The following LCA5 variants were observed in gnomAD, a reference collection of about 807,000 sequenced individuals.
LCA5 encodes the protein lebercilin.
Under a neutral mutation model 53.0 loss-of-function variants are expected in LCA5, and 37 were observed. That is an observed-to-expected ratio of 0.70 (90% CI 0.54 to 0.92). The LOEUF is 0.92. LCA5 is among the 40% of genes least tolerant of loss of function. The pLI is 0.00. For missense variants in LCA5, 806 were observed against 790.5 expected, an observed-to-expected ratio of 1.02 and a Z score of -0.23; for synonymous variants, 303 against 282.9, an observed-to-expected ratio of 1.07 and a Z score of -0.71.
Position 79,513,426 on chromosome 6 carries a change from G to A in LCA5, c.506C>T (p.Thr169Ile). Residue 169 changes from threonine (T) to isoleucine (I), a missense_variant, in exon 3 of 8, where the codon ACA (threonine) becomes ATA (isoleucine). By Grantham distance (89) the Thr-to-Ile change is moderately conservative. Coordinates refer to ENST00000369846, the MANE Select transcript of LCA5 (RefSeq NM_001122769.3). ...TTTTCTTAAGCGTTCTTTGAGTGCTGTAATCTCATTGTTATGACGAAATAT... is the reference window on the plus strand; with the variant it reads ...TTTTCTTAAGCGTTCTTTGAGTGCTATAATCTCATTGTTATGACGAAATAT... ...QLIFRHNNEI[T>I]ALKERLRKSQ... 1 of 1,613,778 alleles carries A rather than the reference G, an allele frequency of 6.2e-7. No homozygotes were observed. Among genetic ancestry groups the A allele is most frequent in the African/African-American group, 1.3e-5 (1 of 74,998 alleles).
chr6:79,511,444 G>A (rs1242133627), intron 3 of LCA5, among the ~76,000 whole-genome samples: 1 of 152,114 alleles, frequency 6.6e-6, no homozygotes, highest in Non-Finnish European at 1.5e-5. Flanking sequence ...GAGCAAATTA[G>A]CTGATGTCAT....
chr6:79,512,534 T>A (rs1385174345), intron 3 of LCA5, among the ~76,000 whole-genome samples: 1 of 152,172 alleles, frequency 6.6e-6, no homozygotes, highest in Admixed American at 6.5e-5. Context: ...ACAGCAAGCA[T>A]TATTGCCATA....
At chr6:79,491,843 T>C (rs781462996) in intron 5 of LCA5, 113 bp from the exon 6 acceptor site, 9 of 828,054 alleles carry the variant, frequency 1.1e-5, no homozygotes, top group Non-Finnish European at 1.8e-5. Context: ...TACATGTACA[T>C]TTATATGCAC....
chr6:79,491,458 A>G (rs1769838923), intron 6 of LCA5, 130 bp downstream of exon 6: 2 of 959,264 alleles, frequency 2.1e-6, no homozygotes, highest in Middle Eastern at 3.0e-4. Flanking sequence ...CTTTCCCTTC[A>G]AAAAGGCTAG....
At position 79,487,775 on chromosome 6, in the gene LCA5, G is replaced by A. The variant is rs112618816; in HGVS notation, c.1323C>T (p.Tyr441=). 119 of 1,612,710 alleles carry A rather than the reference G, an allele frequency of 7.4e-5. 1 individual carries two copies. In the African/African-American group the frequency reaches 1.3e-3, roughly 18 times the overall value. ...TCTGAATTGGATACATTCCTAGTTG[G>A]TACCTTCCAGTTTCCCACTCTGGCT... ...EEKPEWETGR[Y]QLGMYPIQNM... is the part of the protein sequence containing the mutation. Residue 441 remains tyrosine (Y), a synonymous_variant, in exon 8 of 8, where the codon TAC becomes TAT. Coordinates refer to ENST00000369846, the MANE Select transcript of LCA5 (RefSeq NM_001122769.3).
intron 7 of LCA5, 92 bp downstream of exon 7, chr6:79,488,990 TCA>T (rs750280948): frequency 3.5e-5 from 50 of 1,420,398 alleles, no homozygotes; most frequent in Non-Finnish European, 4.7e-5. Flanking sequence ...CCTAAGCAAT[TCA>T]CAGTTAAGCT....
chr6:79,529,500 G>A (rs368791133), intron 1 of LCA5, among the ~76,000 whole-genome samples: 3 of 152,072 alleles, frequency 2.0e-5, no homozygotes, highest in Non-Finnish European at 2.9e-5. Flanking sequence ...TTGGGAAATC[G>A]AAATTTAAGA....
Position 79,491,587 on chromosome 6 carries a change from C to A in LCA5, c.1098+1G>T. On this transcript the variant is annotated splice_donor_variant, in intron 6 of 7. Transcript: ENST00000369846. LOFTEE classifies it high-confidence loss of function. ...GTACATAACAATACTGCTAAACTCA[C>A]CAAAGTAAGATGTCCTGGTTCTTCC... The A allele has an allele frequency of 1.2e-6, 2 of 1,612,576 alleles. No individual in the cohort carries two copies. Among genetic ancestry groups the A allele is most frequent in the African/African-American group, 2.7e-5 (2 of 74,974 alleles).
chr6:79,491,049 C>CG (rs546467241), intron 6 of LCA5, among the ~76,000 whole-genome samples: 2 of 146,012 alleles, frequency 1.4e-5, no homozygotes, highest in Non-Finnish European at 3.1e-5. Context: ...TATAGAGGAC[C>CG]AAAAAAAAAA....
intron 3 of LCA5, among the ~76,000 whole-genome samples, chr6:79,494,778 G>T (rs9448731): frequency 0.15 from 22,980 of 152,028 alleles, 1,810 homozygotes; most frequent in East Asian, 0.22. Flanking sequence ...CATTATTAGG[G>T]TGCTCCAATT....
chr6:79,514,105 C>A (rs140126197), intron 2 of LCA5, among the ~76,000 whole-genome samples: 63 of 152,258 alleles, frequency 4.1e-4, no homozygotes, highest in African/African-American at 1.3e-3. Context: ...ATAACAAACA[C>A]TGGACAAAAC....
At position 79,487,480 on chromosome 6, in the gene LCA5, C is replaced by T; in HGVS notation, c.1618G>A (p.Gly540Arg). The T allele has an allele frequency of 6.2e-7, 1 of 1,614,016 alleles. No homozygotes were observed. Among genetic ancestry groups the T allele is most frequent in the Non-Finnish European group, 8.5e-7 (1 of 1,179,942 alleles). Reference protein sequence around the residue: ...STPKGEGQNSGNVRSPASPNE... With the variant: ...STPKGEGQNSRNVRSPASPNE... Reference sequence around the variant, plus strand: ...GGGGAGGCTGGACTTCTAACATTTCCTGAATTCTGACCTTCTCCTTTTGGA... The same window carrying T: ...GGGGAGGCTGGACTTCTAACATTTCTTGAATTCTGACCTTCTCCTTTTGGA... The change falls in exon 8 of 8, where the codon GGA becomes AGA. Residue 540 changes from glycine (G) to arginine (R), a missense_variant. Gly to Arg is a moderately radical substitution (Grantham distance 125). Transcript: ENST00000369846.
intron 1 of LCA5, among the ~76,000 whole-genome samples, chr6:79,525,899 A>G (rs2127687064): frequency 6.6e-6 from 1 of 152,330 alleles, no homozygotes; most frequent in Middle Eastern, 3.4e-3. Flanking sequence ...AACCTTTAAT[A>G]AAAGAACTAA....
At position 79,510,937 on chromosome 6, in the gene LCA5, G is replaced by A. The variant is rs1052289763; in HGVS notation, c.720+2275C>T. ...AACACCAAATGCTGGCAAGGATGCT[G>A]AGAAACTGGACCACTTATACACTAC... is the stretch of plus-strand genomic sequence containing the variant. On this transcript the variant is annotated intron_variant, in intron 3 of 7. Coordinates refer to ENST00000369846, the MANE Select transcript of LCA5 (RefSeq NM_001122769.3). Among the ~76,000 whole-genome samples, 3 of 151,950 alleles carry A rather than the reference G, an allele frequency of 2.0e-5. No individual in the cohort carries two copies. The East Asian group carries it at 5.8e-4, about 29-fold the overall frequency.
chr6:79,496,771 C>T (rs1769994226), intron 3 of LCA5, among the ~76,000 whole-genome samples: 1 of 151,998 alleles, frequency 6.6e-6, no homozygotes, highest in South Asian at 2.1e-4. Context: ...AAAAATGAAG[C>T]TTCTGGGTTG....
upstream of LCA5, among the ~76,000 whole-genome samples, chr6:79,538,032 T>G (rs933901041): frequency 4.4e-5 from 5 of 112,998 alleles, no homozygotes; most frequent in East Asian, 6.3e-4. Context: ...TTTTTTTTTT[T>G]TTTTTTTTTT....
intron 3 of LCA5, among the ~76,000 whole-genome samples, chr6:79,496,590 A>C (rs1769989390): frequency 6.6e-6 from 1 of 152,216 alleles, no homozygotes; most frequent in Non-Finnish European, 1.5e-5. Flanking sequence ...AATACATACT[A>C]TATGACTCCA....
chr6:79,494,611 C>T (rs910943184), intron 3 of LCA5, among the ~76,000 whole-genome samples: 3 of 151,916 alleles, frequency 2.0e-5, no homozygotes, highest in Non-Finnish European at 2.9e-5. Flanking sequence ...ATAATCACTG[C>T]CAACATTTTG....
intron 3 of LCA5, among the ~76,000 whole-genome samples, chr6:79,500,218 C>G (rs889040900): frequency 2.0e-5 from 3 of 152,076 alleles, no homozygotes; most frequent in African/African-American, 7.2e-5. Context: ...TTTTTCCCCA[C>G]TTTTACTGTA....
Sources: gnomAD v4.1 joint callset for allele counts (sites outside exome capture counted in the v4.1 genomes callset) on GRCh38, gnomAD v4.1.1 for gene constraint, MANE v1.5 for transcripts, NCBI Gene and HGNC (gene_info 2026-07-23, HGNC 2026-07-21) for gene names.